PDE12: variants seen among roughly 807,000 people sequenced by gnomAD.
The protein encoded by PDE12 is phosphodiesterase 12.
Under a neutral mutation model 45.4 loss-of-function variants are expected in PDE12, and 26 were observed. The ratio of observed to expected loss-of-function variants is 0.57; its 90% CI spans 0.42 to 0.79. The LOEUF is 0.79. Ranked by LOEUF, PDE12 falls within the 30% of genes least tolerant of loss-of-function variation. The pLI is 0.00. For synonymous variants in PDE12, 283 were observed against 323.9 expected (o/e 0.87, Z 1.36); for missense variants, 668 against 790.0 (o/e 0.85, Z 1.85).
downstream of PDE12, among the ~76,000 whole-genome samples, chr3:57,570,314 C>T (rs559387372): frequency 1.4e-5 from 2 of 141,260 alleles, no homozygotes; most frequent in African/African-American, 5.4e-5. Context: ...CAGGTTCAAG[C>T]GAGTCTCTTG....
At chr3:57,586,983 A>G in the PDE12 span, among the ~76,000 whole-genome samples, 1 of 152,262 alleles carries the variant, frequency 6.6e-6, no homozygotes, top group East Asian at 1.9e-4. Flanking sequence ...GGTACCTGCC[A>G]GTTATCACCG....
the PDE12 span, among the ~76,000 whole-genome samples, chr3:57,579,142 G>A: frequency 6.6e-6 from 1 of 150,894 alleles, no homozygotes; most frequent in Non-Finnish European, 1.5e-5. Flanking sequence ...ACAAAAATTA[G>A]CCGGGCATGG....
At chr3:57,635,968 T>C in the PDE12 span, among the ~76,000 whole-genome samples, 1 of 152,224 alleles carries the variant, frequency 6.6e-6, no homozygotes, top group African/African-American at 2.4e-5. Context: ...ACAGTCAATA[T>C]ATATTTTATC....
chr3:57,593,617 A>G, the PDE12 span, among the ~76,000 whole-genome samples: 2 of 152,258 alleles, frequency 1.3e-5, no homozygotes, highest in Non-Finnish European at 2.9e-5. Context: ...AGTTCAAAGT[A>G]AAGAGATCAG....
the PDE12 span, among the ~76,000 whole-genome samples, chr3:57,610,758 A>G: frequency 6.6e-6 from 1 of 152,210 alleles, no homozygotes; most frequent in Admixed American, 6.6e-5. Context: ...ATGGAAGAAC[A>G]TTCCATGCTT....
the PDE12 span, among the ~76,000 whole-genome samples, chr3:57,653,605 A>C: frequency 6.6e-6 from 1 of 151,828 alleles, no homozygotes; most frequent in African/African-American, 2.4e-5. Flanking sequence ...AATTAGCCGG[A>C]TGTAGTGGCA....
At chr3:57,583,993 T>C in the PDE12 span, 1 of 1,610,798 alleles carries the variant, frequency 6.2e-7, no homozygotes, top group Non-Finnish European at 8.5e-7. Context: ...TATTCTACTG[T>C]TTCCACATTA....
the PDE12 span, chr3:57,628,486 C>T: frequency 8.2e-7 from 1 of 1,212,598 alleles, no homozygotes; most frequent in Admixed American, 3.2e-5. Flanking sequence ...ACTAAAAAAG[C>T]AAGGAGCATT....
chr3:57,574,009 T>G, the PDE12 span, among the ~76,000 whole-genome samples: 1 of 152,058 alleles, frequency 6.6e-6, no homozygotes, highest in Non-Finnish European at 1.5e-5. Context: ...TGGCGTGATC[T>G]CGGCTCACTG....
At chr3:57,568,796 T>C (rs2069809398), downstream of PDE12, among the ~76,000 whole-genome samples, 1 of 149,164 alleles carries the variant, frequency 6.7e-6, no homozygotes, top group South Asian at 2.1e-4. Context: ...TATCAAGATA[T>C]TACATCACAG....
At chr3:57,609,263 A>C in the PDE12 span, among the ~76,000 whole-genome samples, 4 of 152,202 alleles carry the variant, frequency 2.6e-5, no homozygotes, top group Admixed American at 6.5e-5. Flanking sequence ...TGTAGCACTA[A>C]ATGCCCACAA....
In PDE12 at chr3:57,556,393, C is replaced by T. The variant is rs1309030205; in HGVS notation, c.14C>T (p.Pro5Leu). Reference sequence around the variant, plus strand: ...GCCACCAGGTTCATGTGGAGGCTCCCAGGCGCCCGCGCCGCGCTTCGGGTG... The same window carrying T: ...GCCACCAGGTTCATGTGGAGGCTCCTAGGCGCCCGCGCCGCGCTTCGGGTG... MWRL[P>L]GARAALRVIR... is the part of the protein sequence containing the mutation. The change falls in exon 1 of 3, where the codon CCA (proline) becomes CTA (leucine). Residue 5 changes from proline to leucine, a missense_variant. Transcript: ENST00000311180. The surrounding 1 kb of genome is among the most constrained non-coding windows in gnomAD (Gnocchi z 5.0). The T allele has an allele frequency of 1.9e-6, 3 of 1,585,014 alleles. No individual in the cohort carries two copies. The Admixed American group carries it at 5.4e-5, about 28-fold the overall frequency.
chr3:57,641,820 T>A, the PDE12 span: 2 of 1,305,286 alleles, frequency 1.5e-6, no homozygotes, highest in Non-Finnish European at 2.2e-6. Context: ...AAGAATAGTT[T>A]ACTTTTTTTT....
At chr3:57,630,289 CAT>C in the PDE12 span, 1 of 724,810 alleles carries the variant, frequency 1.4e-6, no homozygotes, top group Non-Finnish European at 2.1e-6. Context: ...GCACATAGCA[CAT>C]GATCTAGAAA....
the PDE12 span, among the ~76,000 whole-genome samples, chr3:57,618,176 T>C: frequency 3.3e-5 from 5 of 152,096 alleles, no homozygotes; most frequent in Non-Finnish European, 7.4e-5. Context: ...AAAATACTTA[T>C]AAGGTACTAT....
At chr3:57,633,783 G>A in the PDE12 span, among the ~76,000 whole-genome samples, 1 of 151,958 alleles carries the variant, frequency 6.6e-6, no homozygotes, top group Non-Finnish European at 1.5e-5. Flanking sequence ...CCAGCTACTT[G>A]GAAGGCTGAG....
the PDE12 span, chr3:57,628,125 C>T: frequency 6.5e-7 from 1 of 1,528,044 alleles, no homozygotes; most frequent in Admixed American, 2.0e-5. Context: ...ACTCCGCTGC[C>T]ACTGAGAGAT....
chr3:57,625,542 A>T, the PDE12 span: 1 of 152,720 alleles, frequency 6.5e-6, no homozygotes, highest in South Asian at 2.1e-4. Context: ...AATAGAAGGC[A>T]CTAGGCATTA....
the PDE12 span, among the ~76,000 whole-genome samples, chr3:57,646,960 G>T: frequency 8.6e-3 from 1,314 of 152,308 alleles, 14 homozygotes; most frequent in South Asian, 0.05. Context: ...GAAGTGCTGA[G>T]TATTTTTACA....
Sources: gnomAD v4.1 joint callset for allele counts (sites outside exome capture counted in the v4.1 genomes callset) on GRCh38, gnomAD v4.1.1 for gene constraint, Gnocchi (gnomAD v3.1) non-coding constraint, MANE v1.5 for transcripts, NCBI Gene and HGNC (gene_info 2026-07-23, HGNC 2026-07-21) for gene names.